Variants in DNAH9 observed in about 807,000 individuals in gnomAD.
DNAH9 encodes DNAH9 variant protein.
DNAH9 carries 345 observed loss-of-function variants against 471.6 expected under a neutral mutation model. The observed-to-expected ratio is 0.73, with a 90% CI of 0.67 to 0.80. The LOEUF (loss-of-function observed/expected upper bound fraction) is 0.80, where lower values mean the gene tolerates loss of function less well. Ranked by LOEUF, DNAH9 falls within the 30% of genes least tolerant of loss-of-function variation. The probability of loss-of-function intolerance (pLI) is 0.00; values close to 1 mark genes in which losing one functional copy is unlikely to be tolerated. For missense variants in DNAH9, 5,407 were observed against 5,609.2 expected (o/e 0.96, Z 1.15); for synonymous variants, 2,093 against 2,123.6 (o/e 0.99, Z 0.40).
At position 11,883,627 on chromosome 17, in the gene DNAH9, G is replaced by A. The variant is rs779594151; in HGVS notation, c.10848G>A (p.Leu3616=). 21 of 1,613,994 alleles carry A rather than the reference G, an allele frequency of 1.3e-5. No individual in the cohort carries two copies. The East Asian group carries it at 4.2e-4, about 33-fold the overall frequency. ...AGCAGAATGGATTCAAAATTACCCTGAAAACGTTGGAAGACAGTCTTCTCT... is the reference window on the plus strand; with the variant it reads ...AGCAGAATGGATTCAAAATTACCCTAAAAACGTTGGAAGACAGTCTTCTCT... ...TKQQNGFKIT[L]KTLEDSLLSR... Residue 3616 remains leucine (L), a synonymous_variant, in exon 56 of 69, where the codon CTG becomes CTA. Transcript: ENST00000262442.
At chr17:11,786,264 G>A (rs1187718856) in intron 41 of DNAH9, among the ~76,000 whole-genome samples, 3 of 152,054 alleles carry the variant, frequency 2.0e-5, no homozygotes, top group African/African-American at 7.2e-5. Flanking sequence ...ACAACCCTTT[G>A]GGATAGACAT....
chr17:11,616,045 A>C (rs1054558461), intron 4 of DNAH9, among the ~76,000 whole-genome samples: 21 of 152,180 alleles, frequency 1.4e-4, no homozygotes, highest in Admixed American at 1.4e-3. Context: ...ACAAACATAC[A>C]TATCAACATA....
chr17:11,867,913 T>C (rs560202132), intron 50 of DNAH9, among the ~76,000 whole-genome samples: 1 of 152,330 alleles, frequency 6.6e-6, no homozygotes, highest in East Asian at 1.9e-4. Flanking sequence ...CAATTAATCT[T>C]CATATTTTCA....
At chr17:11,618,312 G>A (rs2072786413) in intron 5 of DNAH9, among the ~76,000 whole-genome samples, 1 of 152,110 alleles carries the variant, frequency 6.6e-6, no homozygotes, top group Admixed American at 6.5e-5. Flanking sequence ...AGAGGGCCGG[G>A]CGCGGTGGCT....
At chr17:11,699,915 T>C (rs776259042) in intron 23 of DNAH9, 32 bp downstream of exon 23, 1 of 1,610,638 alleles carries the variant, frequency 6.2e-7, no homozygotes, top group Non-Finnish European at 8.5e-7. Context: ...CTCCTTCTGC[T>C]TTTCTCTCTC....
intron 53 of DNAH9, among the ~76,000 whole-genome samples, chr17:11,877,800 T>C (rs1035778108): frequency 6.6e-6 from 1 of 152,178 alleles, no homozygotes; most frequent in Non-Finnish European, 1.5e-5. Flanking sequence ...AGTGGCGCTA[T>C]CTCGGCTCAC....
At chr17:11,885,796 G>A (rs957876031) in intron 56 of DNAH9, among the ~76,000 whole-genome samples, 1 of 152,146 alleles carries the variant, frequency 6.6e-6, no homozygotes, top group African/African-American at 2.4e-5. Context: ...TTGGAAAGGG[G>A]CCTTCTGATT....
chr17:11,883,065 C>T (rs955954781), intron 55 of DNAH9: 28 of 987,204 alleles, frequency 2.8e-5, no homozygotes, highest in Admixed American at 1.2e-4. Flanking sequence ...AGATGAGATC[C>T]ACTTGGATAC....
At chr17:11,960,834 A>G (rs982257504) in intron 67 of DNAH9, among the ~76,000 whole-genome samples, 1 of 152,168 alleles carries the variant, frequency 6.6e-6, no homozygotes, top group African/African-American at 2.4e-5. Flanking sequence ...CCTGTCCCAC[A>G]GGCCAGGAGA....
chr17:11,626,610 T>G lies in DNAH9; in HGVS notation c.1351-2807T>G, dbSNP rs989537836. 6.6e-6 allele frequency among the ~76,000 whole-genome samples: 1 copy of G among 152,182 alleles called. No individual in the cohort carries two copies. The highest frequency in any genetic ancestry group is 1.5e-5 in the Non-Finnish European group (1 of 68,044). ...GGTCGAAATGATCCCGTATCAGCAA[T>G]GTAATAAGTTCAACCTGTATGGTGA... On this transcript the variant is annotated intron_variant, in intron 6 of 68. Coordinates refer to ENST00000262442, the MANE Select transcript of DNAH9 (RefSeq NM_001372.4). This position sits in a 1 kb window ranked among gnomAD's most constrained non-coding sequence, Gnocchi z 4.3.
At chr17:11,712,055 TA>T (rs2074863241) in intron 26 of DNAH9, among the ~76,000 whole-genome samples, 1 of 16,852 alleles carries the variant, frequency 5.9e-5, no homozygotes, top group Admixed American at 1.9e-3. Flanking sequence ...TATATATAAA[TA>T]TATATATTTG....
intron 43 of DNAH9, among the ~76,000 whole-genome samples, chr17:11,803,590 T>G (rs750054989): frequency 2.0e-5 from 3 of 152,260 alleles, no homozygotes; most frequent in Non-Finnish European, 2.9e-5. Flanking sequence ...GTAATTTAAA[T>G]GCAGAGTTCT....
intron 68 of DNAH9, among the ~76,000 whole-genome samples, chr17:11,966,897 T>C (rs1976771885): frequency 6.6e-6 from 1 of 151,668 alleles, no homozygotes; most frequent in Non-Finnish European, 1.5e-5. Context: ...TAGCCAGGCA[T>C]GGTGGCACAC....
At position 11,793,585 on chromosome 17, in the gene DNAH9, A is replaced by T. The variant is rs1279008543; in HGVS notation, c.8144A>T (p.Tyr2715Phe). 3 of 1,614,056 alleles carry T rather than the reference A, an allele frequency of 1.9e-6. No individual in the cohort carries two copies. The East Asian group carries it at 6.7e-5, about 36-fold the overall frequency. Residue 2715 changes from tyrosine (Y) to phenylalanine (F), a missense_variant, in exon 42 of 69, where the codon TAT (tyrosine) becomes TTT (phenylalanine). This residue lies in a region of DNAH9 where 4,636 missense variants were observed against 4,900.3 expected (regional missense o/e 0.95). Transcript: ENST00000262442. The stretch of plus-strand genomic sequence containing the variant: ...TATCTGCATGAATCAAATCGAGTTT[A>T]TCGGGATAAGATGGTAGAAGAAAAG... ...RLYLHESNRV[Y>F]RDKMVEEKDF...
At chr17:11,814,971 C>A (rs1970045444) in intron 45 of DNAH9, among the ~76,000 whole-genome samples, 1 of 144,892 alleles carries the variant, frequency 6.9e-6, no homozygotes, top group African/African-American at 2.5e-5. Context: ...AAAAAAAAAA[C>A]AATAAAGTTG....
At chr17:11,939,192 C>T (rs147264562) in intron 66 of DNAH9, among the ~76,000 whole-genome samples, 211 of 152,228 alleles carry the variant, frequency 1.4e-3, no homozygotes, top group African/African-American at 4.9e-3. Flanking sequence ...AAAGCTGCTC[C>T]ATATCACTCT....
At position 11,962,159 on chromosome 17, in the gene DNAH9, A is replaced by T. The variant is rs765128720; in HGVS notation, c.13136A>T (p.Asp4379Val). Residue 4379 changes from aspartate (D) to valine (V), a missense_variant, in exon 68 of 69, where the codon GAC becomes GTC. Transcript: ENST00000262442. The surrounding 1 kb of genome is among the most constrained non-coding windows in gnomAD (Gnocchi z 4.1). ...CTGGACCAGATGGCCCTGCAATGTG[A>T]CATGACGAAGAAGAACAGAGAAGAG... Reference protein sequence around the residue: ...WPLDQMALQCDMTKKNREEFR... With the variant: ...WPLDQMALQCVMTKKNREEFR... 1.2e-6 allele frequency: 2 copies of T among 1,614,170 alleles called. No homozygotes were observed. The highest frequency in any genetic ancestry group is 2.2e-5 in the South Asian group (2 of 91,086).
chr17:11,785,996 T>G (rs2150900778), intron 41 of DNAH9, among the ~76,000 whole-genome samples: 1 of 152,336 alleles, frequency 6.6e-6, no homozygotes, highest in Middle Eastern at 3.4e-3. Context: ...GAGCATTCAT[T>G]GAGAAAGACT....
Position 11,727,845 on chromosome 17 carries a change from G to A in DNAH9, c.5737G>A (p.Ala1913Thr). 1 of 1,614,024 alleles carries A rather than the reference G, an allele frequency of 6.2e-7. No homozygotes were observed. Among genetic ancestry groups the A allele is most frequent in the Admixed American group, 1.7e-5 (1 of 60,028 alleles). Residue 1913 changes from alanine to threonine, a missense_variant, in exon 28 of 69, where the codon GCT becomes ACT. Transcript: ENST00000262442. ...KSCGNIYKGL[A>T]QTGAWGCFDE... ...TTGTGGCAACATCTACAAAGGCCTT[G>A]CTCAGACTGGTGCCTGGGGCTGCTT...
Sources: allele counts gnomAD v4.1 joint callset (sites outside exome capture counted in the v4.1 genomes callset), GRCh38; gene constraint gnomAD v4.1.1; regional missense constraint gnomAD v4.1.1; non-coding constraint Gnocchi (gnomAD v3.1); transcripts MANE v1.5; gene names NCBI Gene and HGNC (gene_info 2026-07-23, HGNC 2026-07-21).